FHOD3: variants seen among roughly 807,000 people sequenced by gnomAD.
The protein encoded by FHOD3 is formin homology 2 domain containing 3, also known as FH1/FH2 domain-containing protein 3.
A neutral mutation model predicts 173.0 loss-of-function variants in FHOD3; 90 were observed. That is an observed-to-expected ratio of 0.52 (90% confidence interval 0.44 to 0.62). The LOEUF (loss-of-function observed/expected upper bound fraction) is 0.62. Among genes scored for constraint, FHOD3 ranks in the 20% least tolerant of loss-of-function variants. The pLI, the probability that FHOD3 is intolerant of heterozygous loss-of-function variation, is 0.00. For missense variants in FHOD3, 1,945 were observed against 2,034.7 expected, an observed-to-expected ratio of 0.96 and a Z score of 0.85; for synonymous variants, 828 against 823.0, an observed-to-expected ratio of 1.01 and a Z score of -0.10.
intron 6 of FHOD3, among the ~76,000 whole-genome samples, chr18:36,584,787 A>G (rs2058971343): frequency 6.6e-6 from 1 of 152,298 alleles, no homozygotes; most frequent in Non-Finnish European, 1.5e-5. Context: ...TAAAATAGCT[A>G]AAGTTTACTG....
In FHOD3 at chr18:36,718,647, A is replaced by G; in HGVS notation, c.3349A>G (p.Ile1117Val). The G allele has an allele frequency of 6.2e-7, 1 of 1,614,194 alleles. No homozygotes were observed. The highest frequency in any genetic ancestry group is 8.5e-7 in the Non-Finnish European group (1 of 1,180,046). The change falls in exon 19 of 29, where the codon ATT (isoleucine) becomes GTT (valine). Residue 1117 changes from isoleucine to valine, a missense_variant. By Grantham distance (29) the Ile-to-Val change is conservative (BLOSUM62 3). Around this residue, in one of 5 missense-constraint regions of FHOD3, gnomAD observed 231 missense variants for 321.9 expected, o/e 0.72. Transcript: ENST00000590592. ...ATTCCTGTGGTCAAAACTGGAACCCATTAAGGTGGACACTTCCAGACTGGA... is the reference window on the plus strand; with the variant it reads ...ATTCCTGTGGTCAAAACTGGAACCCGTTAAGGTGGACACTTCCAGACTGGA... ...REFLWSKLEPIKVDTSRLEHL... is the reference protein window; with the variant it reads ...REFLWSKLEPVKVDTSRLEHL...
chr18:36,515,845 G>A (rs938591695), intron 5 of FHOD3, among the ~76,000 whole-genome samples: 2 of 152,208 alleles, frequency 1.3e-5, no homozygotes, highest in Admixed American at 6.5e-5. Context: ...ACTCCACTCA[G>A]GCTACTGCAA....
chr18:36,737,815 C>T (rs1356895278), intron 20 of FHOD3, among the ~76,000 whole-genome samples: 1 of 152,134 alleles, frequency 6.6e-6, no homozygotes, highest in Admixed American at 6.5e-5. Context: ...GTCAAGAGCC[C>T]TGTTTCTCAT....
chr18:36,564,191 G>A (rs1057041986), intron 5 of FHOD3, among the ~76,000 whole-genome samples: 9 of 152,168 alleles, frequency 5.9e-5, no homozygotes, highest in Admixed American at 2.0e-4. Context: ...ACCTGTGGCT[G>A]TGACCTGTTT....
At chr18:36,728,741 T>TG (rs1332894950) in intron 19 of FHOD3, among the ~76,000 whole-genome samples, 3 of 152,220 alleles carry the variant, frequency 2.0e-5, no homozygotes, top group Non-Finnish European at 4.4e-5. Context: ...TCACGGTCCC[T>TG]GGGGCTACAG....
rs895096707 is a variant in FHOD3, at chr18:36,718,842, G to T, written c.3417+127G>T. ...AAAAAGTCCATTGGTATGAAAATTT[G>T]ATCTTTAATATAGTGTTCCTTCTGC... On this transcript the variant is annotated intron_variant, in intron 19 of 28. Transcript: ENST00000590592. 23 of 1,457,254 alleles carry T rather than the reference G, an allele frequency of 1.6e-5. No homozygotes were observed. In the African/African-American group the frequency reaches 3.0e-4, roughly 19 times the overall value. The allele number at this position is 1,457,254 out of a possible 1,614,324, so 90.3% of individuals were successfully genotyped here.
At chr18:36,387,639 C>T (rs1305168416) in intron 3 of FHOD3, among the ~76,000 whole-genome samples, 1 of 152,208 alleles carries the variant, frequency 6.6e-6, no homozygotes, top group African/African-American at 2.4e-5. Context: ...TTCTAACTAG[C>T]AGCTGCATAC....
At chr18:36,450,883 A>T (rs908567539) in intron 3 of FHOD3, among the ~76,000 whole-genome samples, 4 of 152,130 alleles carry the variant, frequency 2.6e-5, no homozygotes, top group South Asian at 2.1e-4. Context: ...TTTATTTTAA[A>T]TTTTTTTTAA....
chr18:36,442,306 C>A (rs1333039905), intron 3 of FHOD3, among the ~76,000 whole-genome samples: 1 of 152,002 alleles, frequency 6.6e-6, no homozygotes, highest in African/African-American at 2.4e-5. Context: ...AAGGTATATT[C>A]TTGATAATGT....
intron 24 of FHOD3, among the ~76,000 whole-genome samples, chr18:36,750,350 T>C (rs1568727510): frequency 1.3e-5 from 2 of 152,234 alleles, no homozygotes; most frequent in Non-Finnish European, 2.9e-5. Flanking sequence ...ATTTTTCTCT[T>C]GTAAATTAAA....
At chr18:36,573,618 T>A (rs2058539536) in intron 5 of FHOD3, among the ~76,000 whole-genome samples, 1 of 151,984 alleles carries the variant, frequency 6.6e-6, no homozygotes, top group South Asian at 2.1e-4. Flanking sequence ...AAAAGAAGAT[T>A]TGAGTGTTTA....
intron 11 of FHOD3, among the ~76,000 whole-genome samples, chr18:36,650,955 G>T (rs1408037083): frequency 6.6e-6 from 1 of 152,216 alleles, no homozygotes; most frequent in African/African-American, 2.4e-5. Context: ...TCAGTTTTAG[G>T]AAATAAACAT....
At chr18:36,561,271 A>G (rs1324080499) in intron 5 of FHOD3, among the ~76,000 whole-genome samples, 16 of 152,242 alleles carry the variant, frequency 1.1e-4, no homozygotes, top group Admixed American at 9.8e-4. Context: ...ACGTAATTAC[A>G]GCTGCTGGGG....
intron 7 of FHOD3, among the ~76,000 whole-genome samples, chr18:36,599,448 G>C (rs1177415296): frequency 1.3e-5 from 2 of 152,130 alleles, no homozygotes; most frequent in Admixed American, 1.3e-4. Context: ...TGTGAAGATC[G>C]TGTAAAGTGT....
intron 3 of FHOD3, among the ~76,000 whole-genome samples, chr18:36,398,620 G>A (rs1032160821): frequency 3.9e-5 from 6 of 152,220 alleles, no homozygotes; most frequent in African/African-American, 1.4e-4. Flanking sequence ...TCAGGAACAA[G>A]CCAGGGCAGG....
At chr18:36,736,916 T>C (rs2041663066) in intron 20 of FHOD3, among the ~76,000 whole-genome samples, 1 of 152,264 alleles carries the variant, frequency 6.6e-6, no homozygotes, top group African/African-American at 2.4e-5. Flanking sequence ...TCTTGTTTGA[T>C]GTTTGCTTTC....
chr18:36,517,803 A>G (rs1278080589), intron 5 of FHOD3, among the ~76,000 whole-genome samples: 1 of 152,154 alleles, frequency 6.6e-6, no homozygotes, highest in Non-Finnish European at 1.5e-5. Context: ...AAATTGGGAG[A>G]TTTGATATTT....
At chr18:36,538,354 CAAT>C (rs1487447620) in intron 5 of FHOD3, among the ~76,000 whole-genome samples, 4 of 151,962 alleles carry the variant, frequency 2.6e-5, no homozygotes, top group African/African-American at 7.3e-5. Context: ...ACATTGAAAA[CAAT>C]GATGATAGAG....
chr18:36,471,079 A>T (rs2053257405), intron 3 of FHOD3, among the ~76,000 whole-genome samples: 2 of 152,196 alleles, frequency 1.3e-5, no homozygotes, highest in African/African-American at 4.8e-5. Context: ...AGAGTTAATG[A>T]TGCAAATGCA....
Sources: allele counts gnomAD v4.1 joint callset (sites outside exome capture counted in the v4.1 genomes callset), GRCh38; gene constraint gnomAD v4.1.1; regional missense constraint gnomAD v4.1.1; transcripts MANE v1.5; gene names NCBI Gene and HGNC (gene_info 2026-07-23, HGNC 2026-07-21).